LNPK: variants seen among roughly 807,000 people sequenced by gnomAD.
LNPK encodes the protein lunapark, ER junction formation factor.
In LNPK, 29 loss-of-function variants were observed where a neutral mutation model predicts 55.2. The ratio of observed to expected loss-of-function variants is 0.53; its 90% CI spans 0.39 to 0.72. The LOEUF (loss-of-function observed/expected upper bound fraction) is 0.72. Among genes scored for constraint, LNPK ranks in the 30% least tolerant of loss-of-function variants. LNPK has a pLI of 0.00. For synonymous variants in LNPK, 162 were observed against 168.2 expected (o/e 0.96, Z 0.29); for missense variants, 467 against 494.8 (o/e 0.94, Z 0.53).
intron 8 of LNPK, among the ~76,000 whole-genome samples, chr2:175,953,093 T>C (rs1685500627): frequency 6.6e-6 from 1 of 152,134 alleles, no homozygotes. Flanking sequence ...ATATTCTCTG[T>C]GTTATGCAAC....
intron 1 of LNPK, among the ~76,000 whole-genome samples, chr2:176,001,226 T>C (rs578044940): frequency 6.6e-6 from 1 of 152,086 alleles, no homozygotes; most frequent in Admixed American, 6.6e-5. Flanking sequence ...AGTTTGAACA[T>C]ATTCCTGAAA....
chr2:175,958,793 G>A (rs1475929410), intron 8 of LNPK, among the ~76,000 whole-genome samples: 6 of 152,084 alleles, frequency 3.9e-5, no homozygotes, highest in Admixed American at 2.6e-4. Context: ...GAGGATGTTC[G>A]AACCCATCGC....
At chr2:175,948,055 G>T (rs1685231123) in intron 8 of LNPK, among the ~76,000 whole-genome samples, 1 of 152,116 alleles carries the variant, frequency 6.6e-6, no homozygotes, top group Admixed American at 6.5e-5. Flanking sequence ...CCAAATTGCA[G>T]ATTTGTTTTT....
chr2:175,938,692 T>G (rs2105532588), intron 10 of LNPK: 2 of 179,266 alleles, frequency 1.1e-5, no homozygotes, highest in East Asian at 1.5e-4. Context: ...ATTTTGGTGT[T>G]TCCCAGAGTA....
chr2:175,938,259 GAATAA>G, intron 11 of LNPK, 49 bp downstream of exon 11: 2 of 1,102,064 alleles, frequency 1.8e-6, no homozygotes, highest in Non-Finnish European at 2.7e-6. Flanking sequence ...AAATGGCATA[GAATAA>G]AATATTTAAG....
At chr2:176,000,279 C>T (rs1349694798) in intron 1 of LNPK, among the ~76,000 whole-genome samples, 1 of 152,188 alleles carries the variant, frequency 6.6e-6, no homozygotes, top group South Asian at 2.1e-4. Flanking sequence ...CAATCTTGAG[C>T]AGATTACTTA....
chr2:175,930,631 TGTGA>T (rs1239663221), intron 12 of LNPK, among the ~76,000 whole-genome samples: 3 of 137,674 alleles, frequency 2.2e-5, no homozygotes, highest in African/African-American at 5.5e-5. Flanking sequence ...CAGGCAACCC[TGTGA>T]GTAATATGTA....
Position 175,929,822 on chromosome 2 carries a change from G to A in LNPK, c.*145C>T. 1 of 1,455,072 alleles carries A rather than the reference G, an allele frequency of 6.9e-7. No homozygotes were observed. Among genetic ancestry groups the A allele is most frequent in the South Asian group, 1.5e-5 (1 of 67,432 alleles). 90.1% of individuals were successfully genotyped at this position (1,455,072 alleles called of 1,614,324 possible). The stretch of plus-strand genomic sequence containing the variant: ...TAATACCCAGTATATATAACTTTGA[G>A]ATGTTCAAATAGCTAGGCAATCTGA... On this transcript the variant is annotated 3_prime_UTR_variant, in exon 13 of 13. Coordinates refer to ENST00000272748, the MANE Select transcript of LNPK (RefSeq NM_030650.3).
intron 1 of LNPK, among the ~76,000 whole-genome samples, chr2:175,997,239 C>T (rs1266596604): frequency 1.3e-5 from 2 of 152,106 alleles, no homozygotes; most frequent in African/African-American, 2.4e-5. Context: ...ATGAATGTTT[C>T]AAGTCTTATT....
intron 5 of LNPK, among the ~76,000 whole-genome samples, chr2:175,978,936 G>A (rs1687036605): frequency 6.6e-6 from 1 of 152,116 alleles, no homozygotes; most frequent in South Asian, 2.1e-4. Context: ...CAGAAGAGAA[G>A]AGAGGTTGTG....
chr2:175,961,567 C>G (rs1323229340), intron 8 of LNPK, among the ~76,000 whole-genome samples: 1 of 152,124 alleles, frequency 6.6e-6, no homozygotes, highest in Non-Finnish European at 1.5e-5. Context: ...ATAATAAGAG[C>G]TATTTATGAC....
intron 8 of LNPK, among the ~76,000 whole-genome samples, chr2:175,949,558 C>T (rs945782383): frequency 6.6e-6 from 1 of 152,066 alleles, no homozygotes; most frequent in Non-Finnish European, 1.5e-5. Context: ...TATCCTTCCT[C>T]TTCACGAAGA....
chr2:175,929,223 A>G lies in LNPK; in HGVS notation c.*744T>C. The G allele has an allele frequency of 1.0e-6, 1 of 958,574 alleles. No homozygotes were observed. Among genetic ancestry groups the G allele is most frequent in the Non-Finnish European group, 1.2e-6 (1 of 805,130 alleles). 59.4% of individuals were successfully genotyped at this position (958,574 alleles called of 1,614,324 possible). On this transcript the variant is annotated 3_prime_UTR_variant, in exon 13 of 13. Coordinates refer to ENST00000272748, the MANE Select transcript of LNPK (RefSeq NM_030650.3). The stretch of plus-strand genomic sequence containing the variant: ...CTTATAAATAATGCTCAGAATTCAA[A>G]TAGGGTCAAGTGCAGAAATATTTCC...
intron 5 of LNPK, among the ~76,000 whole-genome samples, chr2:175,977,286 T>C (rs1164188670): frequency 6.6e-6 from 1 of 152,188 alleles, no homozygotes; most frequent in Non-Finnish European, 1.5e-5. Context: ...CATGGGGCTA[T>C]TTAAATTTAA....
intron 4 of LNPK, among the ~76,000 whole-genome samples, chr2:175,990,777 G>GCTCA (rs1687666973): frequency 6.6e-6 from 1 of 151,994 alleles, no homozygotes; most frequent in Admixed American, 6.6e-5. Context: ...TGAAATAGAA[G>GCTCA]CTACAACAGC....
intron 8 of LNPK, among the ~76,000 whole-genome samples, chr2:175,951,067 T>C (rs1441946633): frequency 1.3e-5 from 2 of 152,160 alleles, no homozygotes; most frequent in African/African-American, 2.4e-5. Context: ...GAATGTTTTA[T>C]AATACAAATA....
intron 4 of LNPK, among the ~76,000 whole-genome samples, chr2:175,981,732 T>C (rs1172763439): frequency 2.6e-5 from 4 of 152,206 alleles, no homozygotes; most frequent in African/African-American, 9.6e-5. Flanking sequence ...TGACTTTATC[T>C]ACAGTGATTG....
At chr2:175,932,063 G>T in intron 12 of LNPK, 1 of 399,398 alleles carries the variant, frequency 2.5e-6, no homozygotes, top group South Asian at 1.8e-5. Flanking sequence ...AAAACAAAAA[G>T]CTAAGAATCC....
chr2:175,936,903 G>A (rs911662734), intron 12 of LNPK, among the ~76,000 whole-genome samples: 4 of 152,098 alleles, frequency 2.6e-5, no homozygotes, highest in African/African-American at 9.7e-5. Flanking sequence ...TAATTCCAAA[G>A]TTTCCTGCTT....
Sources: gnomAD v4.1 joint callset for allele counts (sites outside exome capture counted in the v4.1 genomes callset) on GRCh38, gnomAD v4.1.1 for gene constraint, MANE v1.5 for transcripts, NCBI Gene and HGNC (gene_info 2026-07-23, HGNC 2026-07-21) for gene names.